Variants in FRAS1 observed in about 807,000 individuals in gnomAD.
FRAS1 encodes extracellular matrix organizing protein FRAS1.
Under a neutral mutation model 435.2 loss-of-function variants are expected in FRAS1, and 290 were observed. That is an observed-to-expected ratio of 0.67 (90% CI 0.61 to 0.73). The LOEUF is 0.73. FRAS1 is among the 30% of genes least tolerant of loss of function. The pLI, the probability that FRAS1 is intolerant of heterozygous loss-of-function variation, is 0.00. For missense variants in FRAS1, 4,860 were observed against 5,001.5 expected, an observed-to-expected ratio of 0.97 and a Z score of 0.85; for synonymous variants, 1,800 against 1,851.0, an observed-to-expected ratio of 0.97 and a Z score of 0.71.
intron 2 of FRAS1, among the ~76,000 whole-genome samples, chr4:78,087,121 T>C (rs6840121): frequency 0.81 from 122,627 of 152,148 alleles, 49,531 homozygotes; most frequent in East Asian, 0.95. Context: ...TGGTTCAACA[T>C]ACAAAAATCA....
intron 47 of FRAS1, among the ~76,000 whole-genome samples, chr4:78,453,764 C>T (rs918785146): frequency 3.3e-5 from 5 of 151,060 alleles, no homozygotes; most frequent in African/African-American, 1.2e-4. Context: ...ATACACTGCA[C>T]TGCAGCTTGG....
At chr4:78,273,808 T>C (rs1726847544) in intron 9 of FRAS1, among the ~76,000 whole-genome samples, 2 of 152,218 alleles carry the variant, frequency 1.3e-5, no homozygotes, top group South Asian at 4.1e-4. Flanking sequence ...GGCTTTGGTA[T>C]CAGAATGATG....
At chr4:78,185,297 A>T (rs757685918) in intron 2 of FRAS1, among the ~76,000 whole-genome samples, 5 of 152,222 alleles carry the variant, frequency 3.3e-5, no homozygotes, top group Non-Finnish European at 7.4e-5. Flanking sequence ...GGTTTATGGC[A>T]TGTAGCTGTT....
chr4:78,521,898 A>T (rs1721397862), intron 68 of FRAS1, among the ~76,000 whole-genome samples: 1 of 152,158 alleles, frequency 6.6e-6, no homozygotes, highest in African/African-American at 2.4e-5. Context: ...CAACATCATG[A>T]TCACTTCTAC....
chr4:78,289,277 CACAA>C (rs1298319438), intron 14 of FRAS1, among the ~76,000 whole-genome samples: 3,814 of 152,166 alleles, frequency 0.025, 164 homozygotes, highest in African/African-American at 0.086. Flanking sequence ...GGGGTATATG[CACAA>C]ACACAAACAT....
At chr4:78,412,947 A>G in intron 31 of FRAS1, 22 bp from the exon 32 acceptor site, 1 of 1,505,690 alleles carries the variant, frequency 6.6e-7, no homozygotes, top group Non-Finnish European at 9.1e-7. Flanking sequence ...TGAGAGGCTC[A>G]CCAGGATGAC....
At chr4:78,540,416 G>A (rs1722011462) in intron 73 of FRAS1, 115 bp from the exon 74 acceptor site, 1 of 585,302 alleles carries the variant, frequency 1.7e-6, no homozygotes, top group South Asian at 4.5e-5. Context: ...CATTGCTAAT[G>A]CTTTTCTGGA....
At chr4:78,411,234 C>T (rs2110357902) in intron 31 of FRAS1, among the ~76,000 whole-genome samples, 1 of 151,994 alleles carries the variant, frequency 6.6e-6, no homozygotes, top group South Asian at 2.1e-4. Context: ...CCTCAGCCTC[C>T]CGAGTAGCTG....
At chr4:78,463,615 T>C (rs188048051) in intron 47 of FRAS1, among the ~76,000 whole-genome samples, 1 of 152,322 alleles carries the variant, frequency 6.6e-6, no homozygotes, top group Admixed American at 6.5e-5. Flanking sequence ...TAAACCATTA[T>C]GCAATATTTA....
chr4:78,483,084 G>T (rs1477616549), intron 58 of FRAS1, among the ~76,000 whole-genome samples: 1 of 152,218 alleles, frequency 6.6e-6, no homozygotes, highest in Non-Finnish European at 1.5e-5. Flanking sequence ...CTTTTGCTTT[G>T]AGCATGGGAG....
In FRAS1 at chr4:78,240,938, G is replaced by T. The variant is rs1042040136; in HGVS notation, c.216+3321G>T. Among the ~76,000 whole-genome samples, 4 of 152,276 alleles carry T rather than the reference G, an allele frequency of 2.6e-5. No homozygotes were observed. In the East Asian group the frequency reaches 5.8e-4, roughly 22 times the overall value. On this transcript the variant is annotated intron_variant, in intron 3 of 73. Transcript: ENST00000512123. ...GATGCCCAGAAAGTTTGTATTAACC[G>T]TGTTGAGCACAGTTAAAGGAGTAAG...
intron 2 of FRAS1, among the ~76,000 whole-genome samples, chr4:78,148,591 C>T (rs952254189): frequency 1.3e-5 from 2 of 152,126 alleles, no homozygotes; most frequent in Non-Finnish European, 2.9e-5. Context: ...TTTTTATATG[C>T]TACAGTGCTA....
intron 47 of FRAS1, among the ~76,000 whole-genome samples, chr4:78,456,050 C>T (rs1212340693): frequency 2.0e-5 from 3 of 152,150 alleles, no homozygotes; most frequent in South Asian, 4.2e-4. Context: ...AGCTGTGGTC[C>T]TCCTCCAGCC....
At chr4:78,162,772 G>A (rs1034165391) in intron 2 of FRAS1, among the ~76,000 whole-genome samples, 1 of 152,158 alleles carries the variant, frequency 6.6e-6, no homozygotes, top group Admixed American at 6.5e-5. Flanking sequence ...TCAGGAGCTG[G>A]TTCGTTGTGA....
intron 2 of FRAS1, among the ~76,000 whole-genome samples, chr4:78,236,537 A>G (rs1301265673): frequency 6.6e-6 from 1 of 152,134 alleles, no homozygotes; most frequent in Non-Finnish European, 1.5e-5. Context: ...CTCTAATAGG[A>G]ATTTGGGCTA....
At position 78,371,093 on chromosome 4, in the gene FRAS1, T is replaced by TG. The variant is rs1553951176; in HGVS notation, c.2869+1109_2869+1110insG. 6.1e-5 allele frequency among the ~76,000 whole-genome samples: 9 copies of TG among 147,096 alleles called. No homozygotes were observed. In the South Asian group the frequency reaches 1.9e-3, roughly 32 times the overall value. ...CAGAATTTTTTTTCTGTTTTTTTGT[T>TG]TTTTTTTTTTTTTGCCTTCTAACCA... On this transcript the variant is annotated intron_variant, in intron 23 of 73. Transcript: ENST00000512123.
At position 78,282,931 on chromosome 4, in the gene FRAS1, G is replaced by A; in HGVS notation, c.1219G>A (p.Glu407Lys). The A allele has an allele frequency of 6.2e-7, 1 of 1,608,136 alleles. No individual in the cohort carries two copies. Among genetic ancestry groups the A allele is most frequent in the East Asian group, 2.2e-5 (1 of 44,648 alleles). ...ATGTCCAGTGGGCACACTGGCCTTA[G>A]AGGTGAAGGGACAGTGCTGTCCAGA... ...PPCPVGTLAL[E>K]VKGQCCPDCT... Residue 407 changes from glutamate (E) to lysine (K), a missense_variant, in exon 12 of 74, where the codon GAG becomes AAG. Glu to Lys is a moderately conservative substitution (Grantham distance 56, BLOSUM62 1). Transcript: ENST00000512123.
chr4:78,094,110 T>TTA (rs1741669940), intron 2 of FRAS1, among the ~76,000 whole-genome samples: 1 of 125,906 alleles, frequency 7.9e-6, no homozygotes, highest in Admixed American at 7.6e-5. Flanking sequence ...CCAAGTTTTT[T>TTA]TTTTTTTTTT....
At chr4:78,180,346 A>G (rs956526775) in intron 2 of FRAS1, among the ~76,000 whole-genome samples, 1 of 152,262 alleles carries the variant, frequency 6.6e-6, no homozygotes, top group Non-Finnish European at 1.5e-5. Flanking sequence ...GTTAAAATAC[A>G]TATAGTTAGT....
Sources: gnomAD v4.1 joint callset for allele counts (sites outside exome capture counted in the v4.1 genomes callset) on GRCh38, gnomAD v4.1.1 for gene constraint, MANE v1.5 for transcripts, NCBI Gene and HGNC (gene_info 2026-07-23, HGNC 2026-07-21) for gene names.